Variants in MTR observed in about 807,000 individuals in gnomAD.
The protein encoded by MTR is methionine synthase.
MTR carries 84 observed loss-of-function variants against 154.8 expected under a neutral mutation model. The ratio of observed to expected loss-of-function variants is 0.54; its 90% CI spans 0.45 to 0.65. MTR has a LOEUF of 0.65. Among genes scored for constraint, MTR ranks in the 30% least tolerant of loss-of-function variants. The pLI, the probability that MTR is intolerant of heterozygous loss-of-function variation, is 0.00. For missense variants in MTR, 1,275 were observed against 1,570.2 expected (o/e 0.81, Z 3.18); for synonymous variants, 554 against 553.9 (o/e 1.00, Z 0.00).
In MTR at chr1:236,861,258, G is replaced by GA; in HGVS notation, c.2182dup (p.Met728AsnfsTer35). ...ATTGTTGGTGATCTTTTTGGAGCTG[G>GA]AAAAATGTTTCTACCTCAGGTTAGC... On this transcript the variant is annotated frameshift_variant, in exon 20 of 33. Transcript: ENST00000366577. LOFTEE classifies it high-confidence loss of function. 1 of 1,613,840 alleles carries GA rather than the reference G, an allele frequency of 6.2e-7. No individual in the cohort carries two copies. Among genetic ancestry groups the GA allele is most frequent in the Non-Finnish European group, 8.5e-7 (1 of 1,179,930 alleles).
intron 24 of MTR, among the ~76,000 whole-genome samples, chr1:236,876,651 A>T (rs1197089659): frequency 6.6e-6 from 1 of 152,196 alleles, no homozygotes; most frequent in African/African-American, 2.4e-5. Context: ...TTCTTGTGCA[A>T]ATTGGAACTT....
intron 8 of MTR, chr1:236,820,221 G>T: frequency 2.6e-6 from 2 of 756,926 alleles, no homozygotes; most frequent in Non-Finnish European, 4.8e-6. Flanking sequence ...ACTTGCGGGA[G>T]GTCATGCCTG....
chr1:236,886,774 C>G (rs1190362079), intron 27 of MTR, among the ~76,000 whole-genome samples: 2 of 152,200 alleles, frequency 1.3e-5, no homozygotes, highest in Non-Finnish European at 2.9e-5. Flanking sequence ...GAAGGAAGTT[C>G]TGTGGAAACC....
In MTR at chr1:236,897,588, T is replaced by A. The variant is rs745627967; in HGVS notation, c.3742T>A (p.Ser1248Thr). The A allele has an allele frequency of 6.2e-7, 1 of 1,614,094 alleles. No individual in the cohort carries two copies. The highest frequency in any genetic ancestry group is 8.5e-7 in the Non-Finnish European group (1 of 1,179,996). ...GGATTATGCATTGAGGAAGAACATA[T>A]CTGTGGCTGAGGTTGAGAAATGGCT... ...VEDYALRKNI[S>T]VAEVEKWLGP... is the part of the protein sequence containing the mutation. The change falls in exon 33 of 33, where the codon TCT becomes ACT. Residue 1248 changes from serine (S) to threonine (T), a missense_variant. Physicochemically the swap from Ser to Thr is moderately conservative, Grantham distance 58 (BLOSUM62 1). Transcript: ENST00000366577.
At chr1:236,867,388 C>G (rs899692936) in intron 22 of MTR, among the ~76,000 whole-genome samples, 9 of 152,176 alleles carry the variant, frequency 5.9e-5, no homozygotes, top group Non-Finnish European at 1.2e-4. Flanking sequence ...ACCTACTGCT[C>G]AGTAAAAAAG....
chr1:236,859,741 C>A, intron 18 of MTR, 92 bp from the exon 19 acceptor site: 1 of 990,970 alleles, frequency 1.0e-6, no homozygotes, highest in Non-Finnish European at 1.6e-6. Flanking sequence ...AAGAATAAGA[C>A]ACAGGTTTTT....
chr1:236,811,654 T>C (rs1445091494), intron 5 of MTR: 1 of 456,258 alleles, frequency 2.2e-6, no homozygotes, highest in Non-Finnish European at 4.4e-6. Context: ...GACCTGCCAG[T>C]GGGGAGCTAA....
intron 15 of MTR, among the ~76,000 whole-genome samples, chr1:236,848,239 C>T (rs531067793): frequency 6.6e-6 from 1 of 152,210 alleles, no homozygotes; most frequent in South Asian, 2.1e-4. Flanking sequence ...TACAGCTGGG[C>T]CCTACACCCT....
intron 32 of MTR, among the ~76,000 whole-genome samples, 192 bp downstream of exon 32, chr1:236,897,310 G>GCACGCACACACACACACACA (rs1373475510): frequency 2.1e-4 from 27 of 128,680 alleles, no homozygotes; most frequent in African/African-American, 6.6e-4. Context: ...CCACACACAC[G>GCACGCACACACACACACACA]CACACACACA....
At chr1:236,879,499 G>A (rs998399062) in intron 24 of MTR, among the ~76,000 whole-genome samples, 25 of 152,162 alleles carry the variant, frequency 1.6e-4, no homozygotes, top group African/African-American at 5.8e-4. Context: ...CTTCTGGGGA[G>A]GAGGAGAGAG....
At position 236,893,063 on chromosome 1, in the gene MTR, C is replaced by T. The variant is rs1666418738; in HGVS notation, c.3205-1294C>T. On this transcript the variant is annotated intron_variant, in intron 29 of 32. Transcript: ENST00000366577. ...AGTGCCTTATTACTCTGGGAGTCTG[C>T]TCTTCTGAGTAGGCTCTGATTGCTG... Among the ~76,000 whole-genome samples the T allele has an allele frequency of 2.0e-5, 3 of 152,200 alleles. No individual in the cohort carries two copies. The South Asian group carries it at 6.2e-4, about 31-fold the overall frequency.
intron 24 of MTR, among the ~76,000 whole-genome samples, chr1:236,875,378 G>A (rs1403288874): frequency 6.6e-6 from 1 of 152,146 alleles, no homozygotes; most frequent in African/African-American, 2.4e-5. Flanking sequence ...GAACCTTTGG[G>A]TTAACAACAT....
At chr1:236,894,891 A>C in intron 30 of MTR, 1 of 382,026 alleles carries the variant, frequency 2.6e-6, no homozygotes, top group Non-Finnish European at 4.8e-6. Flanking sequence ...TTAAAAACAA[A>C]TTTTTATTTC....
intron 24 of MTR, among the ~76,000 whole-genome samples, chr1:236,876,069 G>A (rs1223704019): frequency 6.6e-6 from 1 of 152,162 alleles, no homozygotes; most frequent in African/African-American, 2.4e-5. Context: ...GGAGGATAAT[G>A]TGCTTTACTT....
chr1:236,831,000 C>T (rs1190458810), intron 12 of MTR, among the ~76,000 whole-genome samples: 2 of 152,180 alleles, frequency 1.3e-5, no homozygotes, highest in East Asian at 3.8e-4. Flanking sequence ...GGTGCTAATT[C>T]TGTGCCTGTC....
At position 236,795,301 on chromosome 1, in the gene MTR, CGCGCTCT is replaced by C. The variant is rs775714392; in HGVS notation, c.-401_-395del. ...AGGATAGATTGAGCGCAGAACTAAC[CGCGCTCT>C]GAAAGGTTCTAAATGTCTGCGGGGC... On this transcript the variant is annotated 5_prime_UTR_variant, in exon 1 of 33. Transcript: ENST00000366577. The C allele has an allele frequency of 1.9e-5, 23 of 1,220,390 alleles. No individual in the cohort carries two copies. In the South Asian group the frequency reaches 3.2e-4, roughly 17 times the overall value. The allele number at this position is 1,220,390 out of a possible 1,614,324, so 75.6% of individuals were successfully genotyped here. A position where few individuals can be genotyped will look rare whatever the true frequency, so the allele number is the denominator to read the frequency against.
intron 27 of MTR, among the ~76,000 whole-genome samples, chr1:236,886,737 T>C (rs1409411102): frequency 6.6e-6 from 1 of 152,268 alleles, no homozygotes; most frequent in African/African-American, 2.4e-5. Flanking sequence ...TCCTCTGTGC[T>C]GTGCTTGCGT....
chr1:236,820,028 G>A, intron 8 of MTR: 1 of 892,068 alleles, frequency 1.1e-6, no homozygotes, highest in Non-Finnish European at 1.9e-6. Flanking sequence ...GGGCTGACCA[G>A]CAGCCTCTCA....
chr1:236,806,604 A>G (rs1384277495), intron 3 of MTR, among the ~76,000 whole-genome samples: 1 of 152,190 alleles, frequency 6.6e-6, no homozygotes, highest in African/African-American at 2.4e-5. Context: ...ACTAAAATTT[A>G]TCATAATTAT....
Sources: allele counts gnomAD v4.1 joint callset (sites outside exome capture counted in the v4.1 genomes callset), GRCh38; gene constraint gnomAD v4.1.1; transcripts MANE v1.5; gene names NCBI Gene and HGNC (gene_info 2026-07-23, HGNC 2026-07-21).